Variants in CWH43 observed in about 807,000 individuals in gnomAD.
The protein encoded by CWH43 is PGAP2-interacting protein.
CWH43 carries 91 observed loss-of-function variants against 85.7 expected under a neutral mutation model. The ratio of observed to expected loss-of-function variants is 1.06; its 90% CI spans 0.90 to 1.26. CWH43 has a LOEUF of 1.26. Ranked by LOEUF, CWH43 falls within the 50% of genes most tolerant of loss-of-function variation. The pLI, the probability that CWH43 is intolerant of heterozygous loss-of-function variation, is 0.00. For missense variants in CWH43, 869 were observed against 839.2 expected, an observed-to-expected ratio of 1.04 and a Z score of -0.44; for synonymous variants, 323 against 293.6, an observed-to-expected ratio of 1.10 and a Z score of -1.02.
At chr4:49,051,015 G>A (rs1473067534) in intron 15 of CWH43, among the ~76,000 whole-genome samples, 166 bp downstream of exon 15, 6 of 152,228 alleles carry the variant, frequency 3.9e-5, no homozygotes, top group Admixed American at 2.6e-4. Flanking sequence ...TTGAAGTTAC[G>A]GTGCTTGCTT....
chr4:49,055,284 C>G lies in CWH43; in HGVS notation c.2021+4435C>G, dbSNP rs147814726. ...TGATCATATGATTTTTGTCTTTTAC[C>G]CTGTTAATACATTGTATCATATTTA... On this transcript the variant is annotated intron_variant, in intron 15 of 15. Coordinates refer to ENST00000226432, the MANE Select transcript of CWH43 (RefSeq NM_025087.3). 2.2e-3 allele frequency among the ~76,000 whole-genome samples: 327 copies of G among 151,986 alleles called. 1 individual carries two copies. The highest frequency in any genetic ancestry group is 6.8e-3 in the African/African-American group (281 of 41,440).
intron 6 of CWH43, among the ~76,000 whole-genome samples, chr4:49,002,865 TTCCCAC>T (rs1783037307): frequency 6.6e-6 from 1 of 152,210 alleles, no homozygotes; most frequent in African/African-American, 2.4e-5. Context: ...CACTTTCTGC[TTCCCAC>T]TCCTTTCTGG....
chr4:48,998,667 T>C, intron 6 of CWH43, 119 bp downstream of exon 6: 1 of 748,542 alleles, frequency 1.3e-6, no homozygotes, highest in East Asian at 2.5e-5. Flanking sequence ...TGTGGCCAAA[T>C]GGGCTGTTGT....
intron 9 of CWH43, among the ~76,000 whole-genome samples, chr4:49,022,225 C>T (rs1293502811): frequency 6.6e-6 from 1 of 152,062 alleles, no homozygotes; most frequent in African/African-American, 2.4e-5. Context: ...TGTGACCTTT[C>T]TATGCCGATT....
intron 1 of CWH43, among the ~76,000 whole-genome samples, chr4:48,987,325 T>C (rs1782527150): frequency 6.6e-6 from 1 of 152,090 alleles, no homozygotes; most frequent in Non-Finnish European, 1.5e-5. Context: ...GCACTTGATC[T>C]CATTTAATCC....
In CWH43 at chr4:49,007,244, T is replaced by A; in HGVS notation, c.1104T>A (p.Pro368=). 6.2e-7 allele frequency: 1 copy of A among 1,611,928 alleles called. No homozygotes were observed. The highest frequency in any genetic ancestry group is 8.5e-7 in the Non-Finnish European group (1 of 1,178,974). Residue 368 remains proline, a synonymous_variant, in exon 8 of 16, where the codon CCT becomes CCA. Transcript: ENST00000226432. ...LIIGLNMLFG[P]KKNLDLLLQT... ...TCGGGCTGAATATGCTATTTGGTCCTAAGAAAAACCTTGACTTGCTTCTTC... is the reference window on the plus strand; with the variant it reads ...TCGGGCTGAATATGCTATTTGGTCCAAAGAAAAACCTTGACTTGCTTCTTC...
At chr4:49,038,387 G>T (rs1489146121) in intron 13 of CWH43, among the ~76,000 whole-genome samples, 1 of 152,082 alleles carries the variant, frequency 6.6e-6, no homozygotes, top group Non-Finnish European at 1.5e-5. Flanking sequence ...CTCAATGGGG[G>T]TAGCTCATCT....
chr4:48,995,613 C>A (rs116465003), intron 5 of CWH43, among the ~76,000 whole-genome samples: 4 of 152,190 alleles, frequency 2.6e-5, no homozygotes, highest in African/African-American at 9.7e-5. Context: ...TTGTCCAAAT[C>A]TGAACTCAGT....
intron 9 of CWH43, among the ~76,000 whole-genome samples, chr4:49,025,808 G>T (rs1272991580): frequency 6.6e-6 from 1 of 152,186 alleles, no homozygotes; most frequent in Non-Finnish European, 1.5e-5. Context: ...TTTGTTAAGT[G>T]TGCTGGTTTT....
intron 12 of CWH43, among the ~76,000 whole-genome samples, chr4:49,034,111 T>C (rs1176275965): frequency 6.6e-6 from 1 of 152,172 alleles, no homozygotes; most frequent in East Asian, 1.9e-4. Context: ...CTTGCTTACC[T>C]CCTTAGAAAT....
chr4:49,028,370 T>C (rs1278596051), intron 9 of CWH43, among the ~76,000 whole-genome samples: 1 of 152,210 alleles, frequency 6.6e-6, no homozygotes, highest in Non-Finnish European at 1.5e-5. Context: ...TTTACTGTTA[T>C]AAGCAGTGCT....
At chr4:49,044,933 A>G (rs1395369791) in intron 14 of CWH43, 86 bp downstream of exon 14, 6 of 1,039,630 alleles carry the variant, frequency 5.8e-6, no homozygotes, top group Non-Finnish European at 8.7e-6. Context: ...AACTTTATGG[A>G]AGCAATTAAT....
In CWH43 at chr4:49,050,681, G is replaced by A; in HGVS notation, c.1866-13G>A. On this transcript the variant is annotated splice_polypyrimidine_tract_variant and intron_variant, in intron 14 of 15. Transcript: ENST00000226432. ...AATAAAACTGTTACAAACCATTTCT[G>A]TTTCTGCTACAGGTTGGGTTATGCA... 5 of 1,601,324 alleles carry A rather than the reference G, an allele frequency of 3.1e-6. No homozygotes were observed. Among genetic ancestry groups the A allele is most frequent in the Non-Finnish European group, 4.3e-6 (5 of 1,174,684 alleles).
Position 48,994,610 on chromosome 4 carries a change from A to G in CWH43, c.512-9A>G. 1 of 1,605,056 alleles carries G rather than the reference A, an allele frequency of 6.2e-7. No individual in the cohort carries two copies. The highest frequency in any genetic ancestry group is 8.5e-7 in the Non-Finnish European group (1 of 1,177,094). On this transcript the variant is annotated splice_polypyrimidine_tract_variant and intron_variant, in intron 4 of 15. Coordinates refer to ENST00000226432, the MANE Select transcript of CWH43 (RefSeq NM_025087.3). ...AAACTTTTTCCATATATGTATTTTT[A>G]AATTCTAGATGGTGACTGCAGTAAA... is the stretch of plus-strand genomic sequence containing the variant.
At chr4:48,991,831 C>A in intron 3 of CWH43, 105 bp from the exon 4 acceptor site, 2 of 1,028,646 alleles carry the variant, frequency 1.9e-6, no homozygotes, top group Non-Finnish European at 2.9e-6. Context: ...TGCAAATTAC[C>A]AATAAGACTA....
intron 14 of CWH43, among the ~76,000 whole-genome samples, chr4:49,046,164 CAT>C (rs1784616188): frequency 6.6e-6 from 1 of 152,104 alleles, no homozygotes. Context: ...TTAAGTGACA[CAT>C]GACTGTATAC....
chr4:49,032,798 T>G, intron 12 of CWH43, 83 bp downstream of exon 12: 1 of 1,475,800 alleles, frequency 6.8e-7, no homozygotes, highest in Non-Finnish European at 9.4e-7. Context: ...TGAAATCACC[T>G]TTCTCATTTT....
In CWH43 at chr4:49,012,845, T is replaced by A. The variant is rs186606233; in HGVS notation, c.1187-4404T>A. 2.6e-5 allele frequency among the ~76,000 whole-genome samples: 4 copies of A among 152,344 alleles called. No individual in the cohort carries two copies. In the East Asian group the frequency reaches 7.7e-4, roughly 29 times the overall value. On this transcript the variant is annotated intron_variant, in intron 8 of 15. Coordinates refer to ENST00000226432, the MANE Select transcript of CWH43 (RefSeq NM_025087.3). ...TTGCAGAATAGTAAATATTGCTGCC[T>A]GATCCTTCATCTGGAAGCTTTGTCC...
intron 9 of CWH43, among the ~76,000 whole-genome samples, chr4:49,027,318 A>T (rs1370382256): frequency 6.6e-6 from 1 of 152,222 alleles, no homozygotes; most frequent in Non-Finnish European, 1.5e-5. Flanking sequence ...GGAGACTTCT[A>T]TGTTTTTGGT....
Sources: allele counts gnomAD v4.1 joint callset (sites outside exome capture counted in the v4.1 genomes callset), GRCh38; gene constraint gnomAD v4.1.1; transcripts MANE v1.5; gene names NCBI Gene and HGNC (gene_info 2026-07-23, HGNC 2026-07-21).